NAGK: variants seen among roughly 807,000 people sequenced by gnomAD.
NAGK encodes N-acetyl-D-glucosamine kinase.
Under a neutral mutation model 42.9 loss-of-function variants are expected in NAGK, and 35 were observed. The observed-to-expected ratio is 0.82, with a 90% CI of 0.62 to 1.08. The LOEUF (loss-of-function observed/expected upper bound fraction) is 1.08. Ranked by LOEUF, NAGK falls within the 50% of genes least tolerant of loss-of-function variation. NAGK has a pLI of 0.00. For missense variants in NAGK, 446 were observed against 446.0 expected, an observed-to-expected ratio of 1.00 and a Z score of 0.00; for synonymous variants, 172 against 176.0, an observed-to-expected ratio of 0.98 and a Z score of 0.18.
upstream of NAGK, chr2:71,068,522 T>TCCTACCGGCGCCCCGCCC: frequency 1.4e-6 from 2 of 1,455,064 alleles, no homozygotes; most frequent in African/African-American, 1.5e-5. Context: ...CATCCCCGGC[T>TCCTACCGGCGCCCCGCCC]CCTACCGGCG....
intron 1 of NAGK, 132 bp downstream of exon 1, chr2:71,068,844 G>A: frequency 1.4e-6 from 2 of 1,386,592 alleles, no homozygotes; most frequent in Non-Finnish European, 1.9e-6. Flanking sequence ...GTGAAGAGGT[G>A]TGTGCACGCG....
At chr2:71,072,499 G>A in intron 4 of NAGK, 142 bp from the exon 5 acceptor site, 3 of 640,866 alleles carry the variant, frequency 4.7e-6, no homozygotes, top group East Asian at 5.7e-5. Flanking sequence ...CAGGAAACTA[G>A]CTGGGCTCAG....
intron 5 of NAGK, 84 bp from the exon 6 acceptor site, chr2:71,073,398 A>G (rs1672094485): frequency 2.0e-6 from 2 of 1,001,678 alleles, no homozygotes; most frequent in Non-Finnish European, 3.2e-6. Context: ...CAAGCAGATC[A>G]CTAACCTGTC....
intron 3 of NAGK, 169 bp downstream of exon 3, chr2:71,071,008 A>G: frequency 1.5e-6 from 1 of 668,618 alleles, no homozygotes; most frequent in South Asian, 1.8e-5. Flanking sequence ...GTTGCCACCT[A>G]CAAACTACAA....
chr2:71,068,496 G>GGC (rs1418304961), upstream of NAGK: 1 of 1,426,446 alleles, frequency 7.0e-7, no homozygotes, highest in Non-Finnish European at 9.1e-7. Flanking sequence ...AAGGAAGACA[G>GGC]CCTGAGGGAC....
intron 7 of NAGK, 164 bp downstream of exon 7, chr2:71,075,806 G>T: frequency 3.1e-6 from 2 of 650,640 alleles, no homozygotes; most frequent in Non-Finnish European, 5.5e-6. Context: ...TTGGGGTGGA[G>T]GCAGAAGGGC....
chr2:71,068,390 T>G (rs564068703), upstream of NAGK: 1 of 1,103,250 alleles, frequency 9.1e-7, no homozygotes, highest in East Asian at 3.2e-5. Context: ...CTTTGATTCC[T>G]CCTCTTGGGA....
At chr2:71,068,410 A>G, upstream of NAGK, 1 of 1,238,418 alleles carries the variant, frequency 8.1e-7, no homozygotes, top group South Asian at 1.7e-5. Context: ...ATTAGTGTCC[A>G]TCTCTGGAAG....
intron 3 of NAGK, chr2:71,071,212 G>A: frequency 6.0e-6 from 2 of 335,960 alleles, no homozygotes; most frequent in Non-Finnish European, 1.1e-5. Context: ...ACATTGCAAA[G>A]TGGTTAGTAT....
chr2:71,070,409 A>C (rs1671954419), intron 1 of NAGK, 93 bp from the exon 2 acceptor site: 1 of 1,061,746 alleles, frequency 9.4e-7, no homozygotes, highest in South Asian at 1.5e-5. Context: ...TGTCTCCTCC[A>C]TCATACTGGG....
intron 3 of NAGK, chr2:71,071,044 G>GGA: frequency 1.7e-6 from 1 of 577,822 alleles, no homozygotes; most frequent in South Asian, 1.9e-5. Flanking sequence ...ACAGGGCTTT[G>GGA]GAGAGCTGCT....
chr2:71,069,023 T>G, intron 1 of NAGK: 4 of 1,120,462 alleles, frequency 3.6e-6, no homozygotes, highest in East Asian at 5.6e-5. Flanking sequence ...CTTTTTCCTA[T>G]TCCTGACCTC....
Position 71,076,611 on chromosome 2 carries a change from G to C in NAGK, c.675G>C (p.Gln225His). 6.2e-7 allele frequency: 1 copy of C among 1,613,136 alleles called. No individual in the cohort carries two copies. Among genetic ancestry groups the C allele is most frequent in the Non-Finnish European group, 8.5e-7 (1 of 1,179,280 alleles). Residue 225 changes from glutamine (Q) to histidine (H), a missense_variant, in exon 8 of 10, where the codon CAG becomes CAC. Transcript: ENST00000244204. Reference sequence around the variant, plus strand: ...CCGTCCTCCCTACCCCAGGTGCTCAGCAGGGAGACCCCCTTTCCCGCTATA... The same window carrying C: ...CCGTCCTCCCTACCCCAGGTGCTCACCAGGGAGACCCCCTTTCCCGCTATA... ...GFCRKIAEGAQQGDPLSRYIF... is the reference protein window; with the variant it reads ...GFCRKIAEGAHQGDPLSRYIF...
In NAGK at chr2:71,079,121, A is replaced by C. The variant is rs1672321986; in HGVS notation, c.*613A>C. ...TTTTTCCTATGAATGAGTTTTTGAA[A>C]GGTTATGAGGATGGCTGAGATCCAA... On this transcript the variant is annotated 3_prime_UTR_variant, in exon 10 of 10. Transcript: ENST00000244204. The C allele has an allele frequency of 6.6e-6, 1 of 152,410 alleles. No homozygotes were observed. Among genetic ancestry groups the C allele is most frequent in the South Asian group, 2.1e-4 (1 of 4,838 alleles). The allele number at this position is 152,410 out of a possible 1,614,324, so 9.4% of individuals were successfully genotyped here.
intron 1 of NAGK, 68 bp from the exon 2 acceptor site, chr2:71,070,434 A>G: frequency 1.4e-6 from 2 of 1,388,404 alleles, no homozygotes; most frequent in Non-Finnish European, 2.0e-6. Flanking sequence ...GCCAGTGTGG[A>G]CAGCACAAGC....
intron 7 of NAGK, chr2:71,075,920 G>A (rs2241264): frequency 0.059 from 28,912 of 488,030 alleles, 3,401 homozygotes; most frequent in East Asian, 0.44. Context: ...TTATGAAGCA[G>A]TTGTCCTTTG....
chr2:71,079,714 G>A lies in NAGK; in HGVS notation c.*1206G>A, dbSNP rs1167798392. Reference sequence around the variant, plus strand: ...GGAGAATGGCATGAACCCAGGAGGTGGAGCTTGCAGTGAGCCGAGGTCGCA... The same window carrying A: ...GGAGAATGGCATGAACCCAGGAGGTAGAGCTTGCAGTGAGCCGAGGTCGCA... On this transcript the variant is annotated 3_prime_UTR_variant, in exon 10 of 10. Coordinates refer to ENST00000244204, the MANE Select transcript of NAGK (RefSeq NM_017567.6). 1 of 152,202 alleles carries A rather than the reference G, an allele frequency of 6.6e-6. No individual in the cohort carries two copies. The highest frequency in any genetic ancestry group is 1.5e-5 in the Non-Finnish European group (1 of 68,054). 9.4% of individuals were successfully genotyped at this position (152,202 alleles called of 1,614,324 possible). A position where few individuals can be genotyped will look rare whatever the true frequency, so the allele number is the denominator to read the frequency against.
chr2:71,073,686 A>G, intron 6 of NAGK, 92 bp downstream of exon 6: 1 of 1,066,426 alleles, frequency 9.4e-7, no homozygotes, highest in Non-Finnish European at 1.5e-6. Flanking sequence ...GCCTGGGCGG[A>G]CCGGCAGGAA....
chr2:71,072,365 A>C, intron 4 of NAGK: 1 of 441,674 alleles, frequency 2.3e-6, no homozygotes, highest in Non-Finnish European at 4.2e-6. Context: ...GAGTCACTGG[A>C]AGACCGGCTG....
Sources: allele counts gnomAD v4.1 joint callset, GRCh38; gene constraint gnomAD v4.1.1; transcripts MANE v1.5; gene names NCBI Gene and HGNC (gene_info 2026-07-23, HGNC 2026-07-21).